The following CADPS2 variants were observed in gnomAD, a reference collection of about 807,000 sequenced individuals.
CADPS2 encodes the protein calcium dependent secretion activator 2, also known as calcium-dependent secretion activator 2.
A neutral mutation model predicts 172.5 loss-of-function variants in CADPS2; 93 were observed. The observed-to-expected ratio is 0.54, with a 90% CI of 0.46 to 0.64. CADPS2 has a LOEUF of 0.64. Among genes scored for constraint, CADPS2 ranks in the 30% least tolerant of loss-of-function variants. The pLI is 0.00. For missense variants in CADPS2, 1,420 were observed against 1,565.9 expected (o/e 0.91, Z 1.57); for synonymous variants, 546 against 555.2 (o/e 0.98, Z 0.23).
At chr7:122,618,008 C>A (rs2075139886) in intron 5 of CADPS2, among the ~76,000 whole-genome samples, 1 of 150,354 alleles carries the variant, frequency 6.7e-6, no homozygotes, top group Admixed American at 6.6e-5. Flanking sequence ...CGTGCCACTG[C>A]ACTCCAGCCT....
At chr7:122,536,404 C>T (rs1046745430) in intron 8 of CADPS2, among the ~76,000 whole-genome samples, 2 of 151,898 alleles carry the variant, frequency 1.3e-5, no homozygotes, top group Non-Finnish European at 2.9e-5. Context: ...GTAGAAAGTG[C>T]TATAGGATTC....
chr7:122,720,424 A>G (rs2090220926), intron 2 of CADPS2, among the ~76,000 whole-genome samples: 1 of 149,122 alleles, frequency 6.7e-6, no homozygotes, highest in South Asian at 2.2e-4. Context: ...AGGTTTGTAT[A>G]TATATATACA....
intron 18 of CADPS2, among the ~76,000 whole-genome samples, chr7:122,415,647 G>A (rs867417373): frequency 1.5e-4 from 23 of 149,344 alleles, no homozygotes; most frequent in African/African-American, 5.7e-4. Context: ...ATTACCCCTT[G>A]GTTTGGGAAA....
intron 2 of CADPS2, among the ~76,000 whole-genome samples, chr7:122,683,976 C>A (rs2083353282): frequency 6.6e-6 from 1 of 151,974 alleles, no homozygotes; most frequent in African/African-American, 2.4e-5. Context: ...TGCCTTGTAC[C>A]CTGAGCTGCT....
chr7:122,383,468 T>G (rs2043257458), intron 24 of CADPS2, among the ~76,000 whole-genome samples: 1 of 152,076 alleles, frequency 6.6e-6, no homozygotes, highest in South Asian at 2.1e-4. Context: ...GAAAATAAAA[T>G]TCTTCGAATA....
intron 1 of CADPS2, among the ~76,000 whole-genome samples, chr7:122,882,274 T>C (rs1823113085): frequency 6.6e-6 from 1 of 152,102 alleles, no homozygotes; most frequent in Non-Finnish European, 1.5e-5. Context: ...TACAAAATGG[T>C]TTAATAAGGC....
chr7:122,836,620 T>C (rs1808522772), intron 1 of CADPS2, among the ~76,000 whole-genome samples: 1 of 151,984 alleles, frequency 6.6e-6, no homozygotes, highest in Non-Finnish European at 1.5e-5. Context: ...AAGGAAGGGG[T>C]TGCAATCCTA....
chr7:122,374,880 G>T (rs961810096), intron 25 of CADPS2, among the ~76,000 whole-genome samples: 1 of 152,044 alleles, frequency 6.6e-6, no homozygotes, highest in Non-Finnish European at 1.5e-5. Context: ...ATTTTAAAAA[G>T]TCATTCATAT....
intron 11 of CADPS2, among the ~76,000 whole-genome samples, chr7:122,484,328 A>G (rs908376271): frequency 2.6e-5 from 4 of 152,178 alleles, no homozygotes; most frequent in Admixed American, 2.0e-4. Context: ...TAAACTGACC[A>G]AAGAAAGGAT....
At chr7:122,394,886 TACTC>T (rs777803106) in intron 20 of CADPS2, among the ~76,000 whole-genome samples, 18 of 152,148 alleles carry the variant, frequency 1.2e-4, no homozygotes, top group Admixed American at 5.2e-4. Flanking sequence ...AAAAGGTTAA[TACTC>T]AGTTGTTTAC....
intron 6 of CADPS2, among the ~76,000 whole-genome samples, chr7:122,586,009 A>G (rs73218230): frequency 0.21 from 31,653 of 151,840 alleles, 3,496 homozygotes; most frequent in East Asian, 0.36. Flanking sequence ...GTATAACAGT[A>G]AACACTTAAG....
intron 3 of CADPS2, among the ~76,000 whole-genome samples, chr7:122,639,622 C>T (rs984628229): frequency 2.0e-5 from 3 of 152,164 alleles, no homozygotes; most frequent in African/African-American, 7.2e-5. Context: ...TCACAATGAA[C>T]CCTCATGATG....
At chr7:122,683,199 C>T (rs536676582) in intron 2 of CADPS2, among the ~76,000 whole-genome samples, 4 of 152,278 alleles carry the variant, frequency 2.6e-5, no homozygotes, top group East Asian at 1.9e-4. Context: ...CCTGAAGCCA[C>T]GCTGTCTGAA....
chr7:122,611,504 T>C (rs2074288400), intron 6 of CADPS2, among the ~76,000 whole-genome samples: 1 of 152,012 alleles, frequency 6.6e-6, no homozygotes, highest in South Asian at 2.1e-4. Flanking sequence ...CAATTACTTT[T>C]GCACCAACAT....
At chr7:122,324,642 C>T (rs1254520275) in intron 29 of CADPS2, among the ~76,000 whole-genome samples, 1 of 152,010 alleles carries the variant, frequency 6.6e-6, no homozygotes, top group East Asian at 1.9e-4. Flanking sequence ...TGGGTACATA[C>T]ACACATATAT....
intron 8 of CADPS2, among the ~76,000 whole-genome samples, chr7:122,541,840 T>C: frequency 7.9e-6 from 1 of 126,870 alleles, no homozygotes; most frequent in Admixed American, 8.1e-5. Context: ...TTCATATGTT[T>C]ATATATTCAT....
intron 2 of CADPS2, among the ~76,000 whole-genome samples, chr7:122,705,964 A>AACATATTATATAATATATAATATATT (rs2087285167): frequency 6.3e-4 from 1 of 1,596 alleles, no homozygotes; most frequent in African/African-American, 8.2e-4. Flanking sequence ...ATATATATAT[A>AACATATTATATAATATATAATATATT]ATATAATATA....
At chr7:122,732,465 A>G (rs1245000564) in intron 2 of CADPS2, among the ~76,000 whole-genome samples, 1 of 150,938 alleles carries the variant, frequency 6.6e-6, no homozygotes, top group Non-Finnish European at 1.5e-5. Context: ...AATAGCAAAC[A>G]GATTTTGAGA....
At chr7:122,608,755 C>T (rs2073924068) in intron 6 of CADPS2, among the ~76,000 whole-genome samples, 1 of 152,108 alleles carries the variant, frequency 6.6e-6, no homozygotes, top group Admixed American at 6.6e-5. Context: ...GAGAGGGTGG[C>T]AAAAACCCAG....
Sources: allele counts gnomAD v4.1 joint callset (sites outside exome capture counted in the v4.1 genomes callset), GRCh38; gene constraint gnomAD v4.1.1; transcripts MANE v1.5; gene names NCBI Gene and HGNC (gene_info 2026-07-23, HGNC 2026-07-21).